The following MAK variants were observed in gnomAD, a reference collection of about 807,000 sequenced individuals.
MAK encodes serine/threonine-protein kinase MAK.
MAK carries 65 observed loss-of-function variants against 82.6 expected under a neutral mutation model. The ratio of observed to expected loss-of-function variants is 0.79; its 90% CI spans 0.64 to 0.97. The LOEUF (loss-of-function observed/expected upper bound fraction) is 0.97, where lower values mean the gene tolerates loss of function less well. MAK is among the 50% of genes least tolerant of loss of function. The probability of loss-of-function intolerance (pLI) is 0.00; values close to 1 mark genes in which losing one functional copy is unlikely to be tolerated. For synonymous variants in MAK, 250 were observed against 274.2 expected (o/e 0.91, Z 0.87); for missense variants, 703 against 780.2 (o/e 0.90, Z 1.18).
intron 10 of MAK, 85 bp downstream of exon 10, chr6:10,791,590 T>C: frequency 7.7e-7 from 1 of 1,290,384 alleles, no homozygotes; most frequent in Non-Finnish European, 1.1e-6. Flanking sequence ...TTTCTTCTTT[T>C]AGGGTCTACA....
In MAK at chr6:10,796,140, T is replaced by C; in HGVS notation, c.1001A>G (p.Gln334Arg). The C allele has an allele frequency of 6.2e-7, 1 of 1,614,170 alleles. No homozygotes were observed. The highest frequency in any genetic ancestry group is 8.5e-7 in the Non-Finnish European group (1 of 1,180,030). The change falls in exon 9 of 15, where the codon CAA (glutamine) becomes CGA (arginine). Residue 334 changes from glutamine (Q) to arginine (R), a missense_variant. Gln to Arg is a conservative substitution (Grantham distance 43). Coordinates refer to ENST00000354489, the MANE Select transcript of MAK (RefSeq NM_001242957.3). Reference sequence around the variant, plus strand: ...CTGCTGGCTAGTTTTTGGCTGGGGTTGTCCAACAACCTGATCGATTATATC... The same window carrying C: ...CTGCTGGCTAGTTTTTGGCTGGGGTCGTCCAACAACCTGATCGATTATATC... ...LPDIIDQVVG[Q>R]PQPKTSQQPL... is the part of the protein sequence containing the mutation.
At chr6:10,837,423 C>G (rs1235662831) in intron 1 of MAK, among the ~76,000 whole-genome samples, 1 of 152,198 alleles carries the variant, frequency 6.6e-6, no homozygotes, top group African/African-American at 2.4e-5. Flanking sequence ...ACGTCCTGCC[C>G]GGTGCCTGCA....
intron 14 of MAK, among the ~76,000 whole-genome samples, chr6:10,766,532 G>T (rs1316091098): frequency 6.6e-6 from 1 of 152,234 alleles, no homozygotes; most frequent in Non-Finnish European, 1.5e-5. Flanking sequence ...CAGGGACAAT[G>T]TGTCTACAAG....
intron 14 of MAK, among the ~76,000 whole-genome samples, chr6:10,769,899 CTTAA>C (rs1248051724): frequency 1.3e-5 from 2 of 152,198 alleles, no homozygotes; most frequent in Non-Finnish European, 2.9e-5. Context: ...AGAGTCACCA[CTTAA>C]TTAGTGGTAG....
At chr6:10,815,934 ATATATATATAT>A (rs1561991830) in intron 4 of MAK, among the ~76,000 whole-genome samples, 18 of 133,312 alleles carry the variant, frequency 1.4e-4, no homozygotes, top group African/African-American at 6.1e-4. Context: ...ATATATATAT[ATATATATATAT>A]ATGTATGTTT....
rs1480356663 is a variant in MAK at position 10,776,148 on chromosome 6, A to G, written c.1466-689T>C. Among the ~76,000 whole-genome samples the G allele has an allele frequency of 6.6e-6, 1 of 152,154 alleles. No individual in the cohort carries two copies. The highest frequency in any genetic ancestry group is 1.5e-5 in the Non-Finnish European group (1 of 68,032). On this transcript the variant is annotated intron_variant, in intron 11 of 14. Transcript: ENST00000354489. The surrounding 1 kb of genome is among the most constrained non-coding windows in gnomAD (Gnocchi z 4.3). ...ATATTCTTGGCCCAACCCTTGGTGT[A>G]GCAGGGAAAACAGACACGTGACTAA...
chr6:10,835,178 G>T (rs759858879), intron 1 of MAK, among the ~76,000 whole-genome samples: 1 of 152,214 alleles, frequency 6.6e-6, no homozygotes, highest in African/African-American at 2.4e-5. Flanking sequence ...GCTCTTAAGA[G>T]AATTCAGCTG....
chr6:10,764,394 T>C lies in MAK; in HGVS notation c.*58A>G. 4 of 1,562,150 alleles carry C rather than the reference T, an allele frequency of 2.6e-6. No homozygotes were observed. Among genetic ancestry groups the C allele is most frequent in the Non-Finnish European group, 3.5e-6 (4 of 1,136,970 alleles). ...AGACATTTGTAGACATTTCCCAGGG[T>C]CAAGGAACTTGCACGTACTCTACGG... On this transcript the variant is annotated 3_prime_UTR_variant, in exon 15 of 15. Coordinates refer to ENST00000354489, the MANE Select transcript of MAK (RefSeq NM_001242957.3).
chr6:10,829,834 GTA>G lies in MAK; in HGVS notation c.101+712_101+713del, dbSNP rs770511506. Among the ~76,000 whole-genome samples, 254 of 151,772 alleles carry G rather than the reference GTA, an allele frequency of 1.7e-3. 1 individual carries two copies. The highest frequency in any genetic ancestry group is 3.0e-3 in the Non-Finnish European group (205 of 67,940). Reference sequence around the variant, plus strand: ...CTAAACTAGACCTCTTTCTGTGCTCGTATATATTCTTTTTTTTTTTGAGATGG... The same window carrying G: ...CTAAACTAGACCTCTTTCTGTGCTCGTATATTCTTTTTTTTTTTGAGATGG... On this transcript the variant is annotated intron_variant, in intron 2 of 14. Coordinates refer to ENST00000354489, the MANE Select transcript of MAK (RefSeq NM_001242957.3).
Position 10,800,928 on chromosome 6 carries a change from A to G in MAK, c.831+964T>C, listed in dbSNP as rs115199641. On this transcript the variant is annotated intron_variant, in intron 8 of 14. Coordinates refer to ENST00000354489, the MANE Select transcript of MAK (RefSeq NM_001242957.3). This position sits in a 1 kb window ranked among gnomAD's most constrained non-coding sequence, Gnocchi z 4.2. Reference sequence around the variant, plus strand: ...CAATTTATTTTTTTCCCTAAGAGCTAATGAATTTTCCCAGTATCACCCACT... The same window carrying G: ...CAATTTATTTTTTTCCCTAAGAGCTGATGAATTTTCCCAGTATCACCCACT... Among the ~76,000 whole-genome samples, 3,422 of 151,692 alleles carry G rather than the reference A, an allele frequency of 0.023. 122 individuals are homozygous for G. The highest frequency in any genetic ancestry group is 0.077 in the African/African-American group (3,143 of 41,000).
chr6:10,784,829 A>G, intron 10 of MAK: 1 of 619,022 alleles, frequency 1.6e-6, no homozygotes, highest in South Asian at 1.5e-5. Context: ...CTTGTGTGTA[A>G]CATGTTTCTA....
intron 8 of MAK, among the ~76,000 whole-genome samples, chr6:10,798,470 A>G (rs1775749774): frequency 6.6e-6 from 1 of 152,142 alleles, no homozygotes; most frequent in Non-Finnish European, 1.5e-5. Context: ...AGAAGAGGGA[A>G]AACTTTAAAA....
At position 10,784,476 on chromosome 6, in the gene MAK, T is replaced by TGACA. The variant is rs771209345; in HGVS notation, c.1409_1412dup (p.Thr472ValfsTer7). 1 of 1,614,204 alleles carries TGACA rather than the reference T, an allele frequency of 6.2e-7. No homozygotes were observed. The highest frequency in any genetic ancestry group is 1.1e-5 in the South Asian group (1 of 91,088). ...AGTACTGTTTAGAGGTTGGAGCAGT[T>TGACA]GACAATTCGGAATCAGATTTTAGGG... On this transcript the variant is annotated frameshift_variant, in exon 11 of 15. Coordinates refer to ENST00000354489, the MANE Select transcript of MAK (RefSeq NM_001242957.3). LOFTEE classifies it high-confidence loss of function.
intron 6 of MAK, among the ~76,000 whole-genome samples, chr6:10,808,010 GT>G (rs1169486518): frequency 6.6e-6 from 1 of 152,056 alleles, no homozygotes; most frequent in Non-Finnish European, 1.5e-5. Flanking sequence ...AGAGGTTGCA[GT>G]GAGCCGAGAT....
chr6:10,833,361 T>C (rs1003620150), intron 1 of MAK, among the ~76,000 whole-genome samples: 1 of 152,078 alleles, frequency 6.6e-6, no homozygotes, highest in African/African-American at 2.4e-5. Flanking sequence ...TCCCAACGCT[T>C]TGGGAGGCCA....
intron 2 of MAK, among the ~76,000 whole-genome samples, chr6:10,829,656 A>G (rs1363362505): frequency 1.3e-5 from 2 of 152,236 alleles, no homozygotes; most frequent in African/African-American, 2.4e-5. Flanking sequence ...TGTATTATAC[A>G]TATAAAAAAG....
intron 6 of MAK, 37 bp downstream of exon 6, chr6:10,808,773 G>T (rs755376194): frequency 1.2e-6 from 2 of 1,606,546 alleles, no homozygotes; most frequent in African/African-American, 1.3e-5. Flanking sequence ...TTCACCATAG[G>T]CTTATGCCTC....
At chr6:10,825,157 G>A (rs1167030520) in intron 2 of MAK, among the ~76,000 whole-genome samples, 1 of 152,200 alleles carries the variant, frequency 6.6e-6, no homozygotes, top group Non-Finnish European at 1.5e-5. Context: ...CGTAATGCCT[G>A]GAGGTGAAGT....
At chr6:10,820,060 C>T (rs1254541397) in intron 2 of MAK, among the ~76,000 whole-genome samples, 3 of 151,454 alleles carry the variant, frequency 2.0e-5, no homozygotes, top group Admixed American at 6.6e-5. Context: ...TGCAGTGAGC[C>T]GAGATCGCGC....
Sources: gnomAD v4.1 joint callset for allele counts (sites outside exome capture counted in the v4.1 genomes callset) on GRCh38, gnomAD v4.1.1 for gene constraint, Gnocchi (gnomAD v3.1) non-coding constraint, MANE v1.5 for transcripts, NCBI Gene and HGNC (gene_info 2026-07-23, HGNC 2026-07-21) for gene names.